ETV5: variants seen among roughly 807,000 people sequenced by gnomAD.
The protein encoded by ETV5 is ETS translocation variant 5.
ETV5 carries 10 observed loss-of-function variants against 70.0 expected under a neutral mutation model. The ratio of observed to expected loss-of-function variants is 0.14; its 90% CI spans 0.09 to 0.24. ETV5 has a LOEUF of 0.24. Ranked by LOEUF, ETV5 falls within the 10% of genes least tolerant of loss-of-function variation. The probability of loss-of-function intolerance (pLI) is 1.00; values close to 1 mark genes in which losing one functional copy is unlikely to be tolerated. For synonymous variants in ETV5, 216 were observed against 242.2 expected, an observed-to-expected ratio of 0.89 and a Z score of 1.01; for missense variants, 453 against 651.2, an observed-to-expected ratio of 0.70 and a Z score of 3.31.
At position 186,057,546 on chromosome 3, in the gene ETV5, TA is replaced by T; in HGVS notation, c.971-56del. 1 of 1,432,100 alleles carries T rather than the reference TA, an allele frequency of 7.0e-7. No homozygotes were observed. Among genetic ancestry groups the T allele is most frequent in the African/African-American group, 1.4e-5 (1 of 71,420 alleles). The allele number at this position is 1,432,100 out of a possible 1,614,324, so 88.7% of individuals were successfully genotyped here. ...TTGCTTAACAAATTCTGTGTTGTACTAAAACTATGGATTTAAGGACTAGAGT... is the reference window on the plus strand; with the variant it reads ...TTGCTTAACAAATTCTGTGTTGTACTAAACTATGGATTTAAGGACTAGAGT... On this transcript the variant is annotated intron_variant, in intron 9 of 12. Coordinates refer to ENST00000306376, the MANE Select transcript of ETV5 (RefSeq NM_004454.3). The surrounding 1 kb of genome is among the most constrained non-coding windows in gnomAD (Gnocchi z 4.9).
intron 5 of ETV5, among the ~76,000 whole-genome samples, chr3:186,101,885 C>T (rs1714466860): frequency 6.6e-6 from 1 of 152,138 alleles, no homozygotes; most frequent in African/African-American, 2.4e-5. Flanking sequence ...CTTCTTAGGA[C>T]CAAGGGACAA....
intron 9 of ETV5, among the ~76,000 whole-genome samples, chr3:186,060,644 T>C (rs1042128237): frequency 2.6e-5 from 4 of 152,202 alleles, no homozygotes; most frequent in Non-Finnish European, 5.9e-5. Flanking sequence ...TGTATAAGGA[T>C]AGGAAAAGCA....
chr3:186,108,174 T>A, intron 1 of ETV5, among the ~76,000 whole-genome samples: 1 of 123,860 alleles, frequency 8.1e-6, no homozygotes, highest in Non-Finnish European at 1.6e-5. Flanking sequence ...AGGAGTTCGG[T>A]TCCCCCCCGA....
rs1379902771 is a variant in ETV5, at chr3:186,047,932, C to G, written c.*707G>C. 1 of 233,430 alleles carries G rather than the reference C, an allele frequency of 4.3e-6. No individual in the cohort carries two copies. The highest frequency in any genetic ancestry group is 8.5e-6 in the Non-Finnish European group (1 of 117,986). The allele number at this position is 233,430 out of a possible 1,614,324, so 14.5% of individuals were successfully genotyped here. ...AATACTGTCAAAAGTGTTAATCGCC[C>G]TTCTCCTAAAATAAAAGTCATCCAC... On this transcript the variant is annotated 3_prime_UTR_variant, in exon 13 of 13. Transcript: ENST00000306376.
At chr3:186,078,142 C>T in intron 7 of ETV5, 1 of 1,051,422 alleles carries the variant, frequency 9.5e-7, no homozygotes, top group Non-Finnish European at 1.1e-6. Flanking sequence ...ACCCATCTCC[C>T]AATTCTCCAG....
At chr3:186,088,586 A>C (rs568287997) in intron 5 of ETV5, among the ~76,000 whole-genome samples, 1 of 152,332 alleles carries the variant, frequency 6.6e-6, no homozygotes, top group East Asian at 1.9e-4. Flanking sequence ...ACCTGCCCAT[A>C]CTATTAATAT....
At chr3:186,092,692 C>T (rs75160594) in intron 5 of ETV5, among the ~76,000 whole-genome samples, 3 of 151,886 alleles carry the variant, frequency 2.0e-5, no homozygotes, top group African/African-American at 7.3e-5. Context: ...TCTCAGCCCC[C>T]CAAAGTGTTG....
chr3:186,055,642 CCTT>C (rs1713141680), intron 11 of ETV5, among the ~76,000 whole-genome samples: 1 of 152,144 alleles, frequency 6.6e-6, no homozygotes, highest in Admixed American at 6.5e-5. Flanking sequence ...ATGAAGTCTG[CCTT>C]CTTCTCCTAT....
intron 7 of ETV5, among the ~76,000 whole-genome samples, 190 bp from the exon 8 acceptor site, chr3:186,066,262 C>CAAAAAAAAAAAAAAAAAAA (rs10681607): frequency 1.9e-4 from 18 of 94,870 alleles, no homozygotes; most frequent in East Asian, 3.2e-4. Context: ...CAGGAAGTGG[C>CAAAAAAAAAAAAAAAAAAA]AAAAAAAAAA....
At chr3:186,080,286 G>T (rs922408386) in intron 6 of ETV5, among the ~76,000 whole-genome samples, 182 bp from the exon 7 acceptor site, 1 of 152,088 alleles carries the variant, frequency 6.6e-6, no homozygotes, top group South Asian at 2.1e-4. Flanking sequence ...AACACACTGC[G>T]TCACAGGGAC....
chr3:186,079,874 TGTG>T lies in ETV5; in HGVS notation c.590_592del (p.Pro197del). On this transcript the variant is annotated inframe_deletion, in exon 7 of 13. Transcript: ENST00000306376. The stretch of plus-strand genomic sequence containing the variant: ...CATCTTTGGCATCTGCAGGGGCTGA[TGTG>T]GTGGTCGGGGGACCGCAAATGTTTG... The T allele has an allele frequency of 6.3e-7, 1 of 1,585,828 alleles. No individual in the cohort carries two copies. The highest frequency in any genetic ancestry group is 8.6e-7 in the Non-Finnish European group (1 of 1,167,118).
Position 186,052,597 on chromosome 3 carries a change from G to C in ETV5, c.1210-466C>G, listed in dbSNP as rs1713058899. On this transcript the variant is annotated intron_variant, in intron 11 of 12. Transcript: ENST00000306376. The surrounding 1 kb of genome is among the most constrained non-coding windows in gnomAD (Gnocchi z 4.5). ...AAAGTTCAATTCTAATAAGATTGGA[G>C]GGGGGCTGGGAGATGTTTACTTATT... Among the ~76,000 whole-genome samples the C allele has an allele frequency of 6.6e-6, 1 of 152,188 alleles. No individual in the cohort carries two copies. Among genetic ancestry groups the C allele is most frequent in the African/African-American group, 2.4e-5 (1 of 41,442 alleles).
Position 186,057,009 on chromosome 3 carries a change from C to T in ETV5, c.1209+66G>A, listed in dbSNP as rs1021425760. 6.4e-6 allele frequency: 10 copies of T among 1,568,564 alleles called. No homozygotes were observed. On this transcript the variant is annotated intron_variant, in intron 11 of 12. Coordinates refer to ENST00000306376, the MANE Select transcript of ETV5 (RefSeq NM_004454.3). This position sits in a 1 kb window ranked among gnomAD's most constrained non-coding sequence, Gnocchi z 4.9. ...TGACACAAAAAGCCTCAATGGAAAT[C>T]TAAACAAAAAACATCATCAACAACA...
chr3:186,082,618 A>AGTAAAG (rs1713959617), intron 5 of ETV5, among the ~76,000 whole-genome samples: 1 of 152,062 alleles, frequency 6.6e-6, no homozygotes, highest in Admixed American at 6.6e-5. Context: ...ACAGGGTTTC[A>AGTAAAG]CCATGTTGGC....
chr3:186,095,857 G>A (rs931997620), intron 5 of ETV5, among the ~76,000 whole-genome samples: 5 of 152,236 alleles, frequency 3.3e-5, no homozygotes, highest in African/African-American at 1.2e-4. Flanking sequence ...TGGAGGCTGG[G>A]GCAGCTGGGA....
intron 9 of ETV5, among the ~76,000 whole-genome samples, chr3:186,062,230 A>T (rs1713321898): frequency 6.6e-6 from 1 of 152,184 alleles, no homozygotes; most frequent in South Asian, 2.1e-4. Context: ...TGAAATATGG[A>T]AGGAGATGAA....
chr3:186,103,647 AC>A (rs1714519355), intron 5 of ETV5, among the ~76,000 whole-genome samples: 1 of 151,428 alleles, frequency 6.6e-6, no homozygotes, highest in African/African-American at 2.4e-5. Context: ...ACACACACAC[AC>A]ACACACACAC....
intron 11 of ETV5, among the ~76,000 whole-genome samples, chr3:186,053,524 G>A (rs1181496418): frequency 6.6e-6 from 1 of 152,166 alleles, no homozygotes; most frequent in Non-Finnish European, 1.5e-5. Flanking sequence ...TCTAAATTCA[G>A]GATTCTAAAA....
rs1474613632 is a variant in ETV5 at position 186,046,551 on chromosome 3, C to G, written c.*2088G>C. The stretch of plus-strand genomic sequence containing the variant: ...GTGCATGAGTCCAATGGGAATGCAA[C>G]CGTGATGCCGCTGTCCTATGCCCAG... On this transcript the variant is annotated 3_prime_UTR_variant, in exon 13 of 13. Transcript: ENST00000306376. 1 of 231,558 alleles carries G rather than the reference C, an allele frequency of 4.3e-6. No homozygotes were observed. The highest frequency in any genetic ancestry group is 6.1e-5 in the East Asian group (1 of 16,398). The allele number at this position is 231,558 out of a possible 1,614,324, so 14.3% of individuals were successfully genotyped here. A position where few individuals can be genotyped will look rare whatever the true frequency, so the allele number is the denominator to read the frequency against.
Sources: gnomAD v4.1 joint callset for allele counts (sites outside exome capture counted in the v4.1 genomes callset) on GRCh38, gnomAD v4.1.1 for gene constraint, Gnocchi (gnomAD v3.1) non-coding constraint, MANE v1.5 for transcripts, NCBI Gene and HGNC (gene_info 2026-07-23, HGNC 2026-07-21) for gene names.